DMGDH: variants seen among roughly 807,000 people sequenced by gnomAD.
DMGDH encodes dimethylglycine dehydrogenase, also known as dimethylglycine dehydrogenase, mitochondrial.
DMGDH carries 76 observed loss-of-function variants against 95.2 expected under a neutral mutation model. The ratio of observed to expected loss-of-function variants is 0.80; its 90% CI spans 0.66 to 0.97. DMGDH has a LOEUF of 0.97. Ranked by LOEUF, DMGDH falls within the 50% of genes least tolerant of loss-of-function variation. The pLI is 0.00. For synonymous variants in DMGDH, 345 were observed against 377.6 expected, an observed-to-expected ratio of 0.91 and a Z score of 1.00; for missense variants, 987 against 1,055.0, an observed-to-expected ratio of 0.94 and a Z score of 0.89.
At chr5:79,019,979 C>T (rs1359254548) in intron 14 of DMGDH, among the ~76,000 whole-genome samples, 1 of 152,178 alleles carries the variant, frequency 6.6e-6, no homozygotes, top group Non-Finnish European at 1.5e-5. Flanking sequence ...TGGGATGGTA[C>T]TCAACAATTT....
At chr5:79,056,403 C>T (rs753937097) in intron 2 of DMGDH, among the ~76,000 whole-genome samples, 5 of 151,616 alleles carry the variant, frequency 3.3e-5, no homozygotes, top group South Asian at 2.1e-4. Context: ...ATTAGCTGGG[C>T]GTGGTGGCGG....
At chr5:79,018,370 T>A (rs1459132113) in intron 14 of DMGDH, among the ~76,000 whole-genome samples, 4 of 152,102 alleles carry the variant, frequency 2.6e-5, no homozygotes, top group African/African-American at 7.2e-5. Context: ...CACAAATGAC[T>A]CTCAAGTTAT....
chr5:79,021,760 A>G, intron 14 of DMGDH: 1 of 1,245,010 alleles, frequency 8.0e-7, no homozygotes, highest in Non-Finnish European at 1.1e-6. Context: ...CCATACAAAC[A>G]ATATATGTTA....
intron 2 of DMGDH, among the ~76,000 whole-genome samples, chr5:79,061,136 C>T (rs1755195610): frequency 1.3e-5 from 2 of 151,606 alleles, no homozygotes; most frequent in South Asian, 2.1e-4. Context: ...GAGAGCATTG[C>T]TTGAGCCCGT....
At chr5:79,005,058 A>G (rs1210747851) in intron 15 of DMGDH, among the ~76,000 whole-genome samples, 2 of 152,208 alleles carry the variant, frequency 1.3e-5, no homozygotes, top group African/African-American at 4.8e-5. Context: ...TTTAAACAGA[A>G]TATATAGAAT....
At position 78,998,262 on chromosome 5, in the gene DMGDH, G is replaced by A; in HGVS notation, c.2421C>T (p.Tyr807=). The A allele has an allele frequency of 1.2e-6, 2 of 1,614,102 alleles. No homozygotes were observed. Among genetic ancestry groups the A allele is most frequent in the Non-Finnish European group, 1.7e-6 (2 of 1,179,990 alleles). The change falls in exon 16 of 16, where the codon TAC becomes TAT. Residue 807 remains tyrosine (Y), a synonymous_variant. Coordinates refer to ENST00000255189, the MANE Select transcript of DMGDH (RefSeq NM_013391.3). ...VGNTTSGSYS[Y]SIQKSLAFAY... Reference sequence around the variant, plus strand: ...CGAAAGCCAGACTCTTCTGGATGCTGTAGCTATAGCTTCCAGATGTCGTGT... The same window carrying A: ...CGAAAGCCAGACTCTTCTGGATGCTATAGCTATAGCTTCCAGATGTCGTGT...
intron 14 of DMGDH, among the ~76,000 whole-genome samples, chr5:79,022,218 T>C (rs1753887604): frequency 6.6e-6 from 1 of 152,178 alleles, no homozygotes; most frequent in Non-Finnish European, 1.5e-5. Flanking sequence ...TGTTCTCCTA[T>C]AGCATCGATT....
intron 10 of DMGDH, 50 bp downstream of exon 10, chr5:79,030,783 A>T: frequency 6.9e-6 from 11 of 1,599,268 alleles, no homozygotes; most frequent in Non-Finnish European, 9.4e-6. Context: ...TGGGATGAAG[A>T]ATTAAATAGG....
chr5:79,012,307 C>A (rs1753660180), intron 14 of DMGDH, among the ~76,000 whole-genome samples: 1 of 152,214 alleles, frequency 6.6e-6, no homozygotes, highest in Non-Finnish European at 1.5e-5. Context: ...ATCTCACATC[C>A]AGGGCACACT....
rs1754847333 is a variant in DMGDH at position 79,051,271 on chromosome 5, A to G, written c.745+16T>C. On this transcript the variant is annotated intron_variant, in intron 5 of 15. Coordinates refer to ENST00000255189, the MANE Select transcript of DMGDH (RefSeq NM_013391.3). ...GCACTTAAAAAACACTAATTTCAAA[A>G]AAATGATATGCTTACCTGCAGCATT... 6.2e-7 allele frequency: 1 copy of G among 1,613,770 alleles called. No homozygotes were observed. The highest frequency in any genetic ancestry group is 8.5e-7 in the Non-Finnish European group (1 of 1,179,768).
At position 79,028,507 on chromosome 5, in the gene DMGDH, A is replaced by G; in HGVS notation, c.1958T>C (p.Val653Ala). 1 of 1,614,182 alleles carries G rather than the reference A, an allele frequency of 6.2e-7. No individual in the cohort carries two copies. Among genetic ancestry groups the G allele is most frequent in the Non-Finnish European group, 8.5e-7 (1 of 1,180,022 alleles). ...KLTSEDLSDD[V>A]FKFLQTKSLK... ...GGACTTGGTTTGAAGAAACTTGAAA[A>G]CATCATCACTAAGATCTTCAGAGGT... Residue 653 changes from valine (V) to alanine (A), a missense_variant, in exon 12 of 16, where the codon GTT becomes GCT. By Grantham distance (64) the Val-to-Ala change is moderately conservative (BLOSUM62 0). Transcript: ENST00000255189.
intron 7 of DMGDH, among the ~76,000 whole-genome samples, chr5:79,036,656 C>A (rs896180518): frequency 1.3e-5 from 2 of 152,128 alleles, no homozygotes; most frequent in African/African-American, 2.4e-5. Flanking sequence ...AAGCAGTTTG[C>A]AAACACCTAT....
intron 14 of DMGDH, among the ~76,000 whole-genome samples, chr5:79,019,052 G>A (rs1753800468): frequency 6.6e-6 from 1 of 152,146 alleles, no homozygotes; most frequent in African/African-American, 2.4e-5. Flanking sequence ...ACACAATTAT[G>A]TGGCTCATAA....
intron 14 of DMGDH, among the ~76,000 whole-genome samples, chr5:79,008,812 T>A (rs1011575487): frequency 1.3e-5 from 2 of 152,142 alleles, no homozygotes; most frequent in African/African-American, 4.8e-5. Context: ...AATAAAATAT[T>A]AATCAGTAAC....
At chr5:79,029,777 AT>A (rs762171009) in intron 11 of DMGDH, 126 bp downstream of exon 11, 1 of 1,024,592 alleles carries the variant, frequency 9.8e-7, no homozygotes, top group Non-Finnish European at 1.4e-6. Context: ...AATAAAGTTT[AT>A]TTGAAACAAT....
At chr5:79,026,295 A>G in intron 13 of DMGDH, 129 bp downstream of exon 13, 3 of 1,198,448 alleles carry the variant, frequency 2.5e-6, no homozygotes, top group Non-Finnish European at 3.6e-6. Flanking sequence ...CCCTAATGAA[A>G]TAAAGTTATC....
At chr5:79,053,084 TCTGAG>T (rs75407137) in intron 4 of DMGDH, among the ~76,000 whole-genome samples, 10,944 of 152,224 alleles carry the variant, frequency 0.072, 858 homozygotes, top group African/African-American at 0.18. Context: ...ATGTAAACTG[TCTGAG>T]CTAAAATTTC....
chr5:79,039,639 A>G (rs1249194336), intron 7 of DMGDH, among the ~76,000 whole-genome samples: 1 of 152,086 alleles, frequency 6.6e-6, no homozygotes, highest in Non-Finnish European at 1.5e-5. Flanking sequence ...GCACACCAGC[A>G]AGGCACATGT....
intron 14 of DMGDH, among the ~76,000 whole-genome samples, chr5:79,017,312 A>T (rs980213046): frequency 2.0e-5 from 3 of 152,220 alleles, no homozygotes; most frequent in African/African-American, 7.2e-5. Context: ...AAAGCACTTT[A>T]AAAACTCAAT....
Sources: gnomAD v4.1 joint callset for allele counts (sites outside exome capture counted in the v4.1 genomes callset) on GRCh38, gnomAD v4.1.1 for gene constraint, MANE v1.5 for transcripts, NCBI Gene and HGNC (gene_info 2026-07-23, HGNC 2026-07-21) for gene names.